ARPP21: variants seen among roughly 807,000 people sequenced by gnomAD.
The protein encoded by ARPP21 is cAMP regulated phosphoprotein 21.
Under a neutral mutation model 113.2 loss-of-function variants are expected in ARPP21, and 69 were observed. That is an observed-to-expected ratio of 0.61 (90% CI 0.50 to 0.74). The LOEUF (loss-of-function observed/expected upper bound fraction) is 0.74, where lower values mean the gene tolerates loss of function less well. Ranked by LOEUF, ARPP21 falls within the 30% of genes least tolerant of loss-of-function variation. The pLI is 0.00. For missense variants in ARPP21, 1,070 were observed against 1,037.4 expected (o/e 1.03, Z -0.43); for synonymous variants, 368 against 375.5 (o/e 0.98, Z 0.23).
intron 3 of ARPP21, 25 bp from the exon 4 acceptor site, chr3:35,682,813 ATTTTATTTTG>A: frequency 6.3e-7 from 1 of 1,578,898 alleles, no homozygotes; most frequent in Non-Finnish European, 8.6e-7. Context: ...TGTTTGTTTT[ATTTTATTTTG>A]TTTTATTTTC....
Position 35,794,149 on chromosome 3 carries a change from C to T in ARPP21, c.*191C>T, listed in dbSNP as rs1232249836. ...TTAATGGTGCATATTTCTGTCATGTCTGCTAGGTATGCCTTTATAGCTTAG... is the reference window on the plus strand; with the variant it reads ...TTAATGGTGCATATTTCTGTCATGTTTGCTAGGTATGCCTTTATAGCTTAG... On this transcript the variant is annotated 3_prime_UTR_variant, in exon 21 of 21. Transcript: ENST00000684406. The T allele has an allele frequency of 3.2e-6, 2 of 616,604 alleles. No homozygotes were observed. The highest frequency in any genetic ancestry group is 5.5e-5 in the East Asian group (2 of 36,138). 38.2% of individuals were successfully genotyped at this position (616,604 alleles called of 1,614,324 possible). A position where few individuals can be genotyped will look rare whatever the true frequency, so the allele number is the denominator to read the frequency against.
intron 1 of ARPP21, among the ~76,000 whole-genome samples, chr3:35,656,610 T>C (rs1705060768): frequency 6.6e-6 from 1 of 151,998 alleles, no homozygotes; most frequent in Non-Finnish European, 1.5e-5. Context: ...GTCAAAATGA[T>C]AAAACTATCA....
At chr3:35,691,083 C>A in intron 9 of ARPP21, 78 bp downstream of exon 9, 2 of 1,462,502 alleles carry the variant, frequency 1.4e-6, no homozygotes, top group Non-Finnish European at 1.9e-6. Flanking sequence ...GTATAAAATT[C>A]ACAGTACATG....
At chr3:35,787,537 T>A (rs959961893) in intron 19 of ARPP21, among the ~76,000 whole-genome samples, 1 of 152,184 alleles carries the variant, frequency 6.6e-6, no homozygotes, top group African/African-American at 2.4e-5. Context: ...ACCCCTCAAC[T>A]GTCTTCCTGG....
At chr3:35,645,650 A>C (rs374934653) in intron 1 of ARPP21, among the ~76,000 whole-genome samples, 4 of 152,140 alleles carry the variant, frequency 2.6e-5, no homozygotes, top group African/African-American at 9.6e-5. Context: ...TTCCAAATTC[A>C]GTGCTGGAAC....
chr3:35,745,611 G>A (rs2094984292), intron 19 of ARPP21, among the ~76,000 whole-genome samples: 1 of 152,170 alleles, frequency 6.6e-6, no homozygotes, highest in Admixed American at 6.5e-5. Context: ...GAGGGGATGA[G>A]AAAGTTAGAT....
chr3:35,725,845 T>C (rs2093490836), intron 14 of ARPP21, among the ~76,000 whole-genome samples: 1 of 150,370 alleles, frequency 6.7e-6, no homozygotes, highest in Non-Finnish European at 1.5e-5. Flanking sequence ...CTTTCCACTG[T>C]GAGTAGCATG....
intron 19 of ARPP21, among the ~76,000 whole-genome samples, chr3:35,764,558 A>C (rs903340806): frequency 6.6e-6 from 1 of 152,166 alleles, no homozygotes; most frequent in Non-Finnish European, 1.5e-5. Flanking sequence ...CTGATTTATG[A>C]CAGTGAGTGG....
chr3:35,674,364 C>T (rs1437934349), intron 1 of ARPP21, among the ~76,000 whole-genome samples: 1 of 151,858 alleles, frequency 6.6e-6, no homozygotes, highest in Non-Finnish European at 1.5e-5. Context: ...TATTTAAGTA[C>T]CTGTGAAATT....
intron 13 of ARPP21, among the ~76,000 whole-genome samples, chr3:35,719,294 T>G (rs1469840714): frequency 6.6e-6 from 1 of 152,190 alleles, no homozygotes; most frequent in Non-Finnish European, 1.5e-5. Flanking sequence ...GAATCATAAA[T>G]TAGAGTTACA....
intron 2 of ARPP21, among the ~76,000 whole-genome samples, 192 bp downstream of exon 2, chr3:35,680,152 T>G (rs2078480413): frequency 6.6e-6 from 1 of 151,894 alleles, no homozygotes; most frequent in South Asian, 2.1e-4. Flanking sequence ...TCATGTTCTG[T>G]TTTTTACTTA....
intron 15 of ARPP21, among the ~76,000 whole-genome samples, chr3:35,733,447 T>G (rs1289081488): frequency 1.3e-5 from 2 of 152,198 alleles, no homozygotes; most frequent in Non-Finnish European, 2.9e-5. Context: ...TCTTCACCTA[T>G]GCCAGCACCC....
intron 15 of ARPP21, among the ~76,000 whole-genome samples, chr3:35,734,701 G>A (rs2094224289): frequency 6.6e-6 from 1 of 152,226 alleles, no homozygotes; most frequent in South Asian, 2.1e-4. Context: ...TAAGTGAGCT[G>A]AAGTTAAGGC....
chr3:35,732,795 T>G (rs2094080011), intron 15 of ARPP21, among the ~76,000 whole-genome samples: 1 of 152,232 alleles, frequency 6.6e-6, no homozygotes, highest in Non-Finnish European at 1.5e-5. Context: ...GCTGTTCTCT[T>G]TCAAATGCTT....
At chr3:35,677,300 A>G (rs1051569868) in intron 1 of ARPP21, among the ~76,000 whole-genome samples, 17 of 151,900 alleles carry the variant, frequency 1.1e-4, no homozygotes, top group Non-Finnish European at 2.2e-4. Context: ...ACACACACAC[A>G]TACACTTAGG....
At chr3:35,789,923 G>T (rs2096713723) in intron 19 of ARPP21, among the ~76,000 whole-genome samples, 1 of 152,032 alleles carries the variant, frequency 6.6e-6, no homozygotes, top group Admixed American at 6.6e-5. Flanking sequence ...ATCTCTTATA[G>T]GCCACCTAAT....
At chr3:35,743,763 G>T in intron 18 of ARPP21, 76 bp from the exon 19 acceptor site, 1 of 1,501,370 alleles carries the variant, frequency 6.7e-7, no homozygotes, top group East Asian at 2.3e-5. Flanking sequence ...ATTATAAGAC[G>T]AAAGCATATT....
intron 14 of ARPP21, among the ~76,000 whole-genome samples, chr3:35,727,658 G>A (rs1378708668): frequency 6.6e-6 from 1 of 152,114 alleles, no homozygotes; most frequent in Non-Finnish European, 1.5e-5. Flanking sequence ...CAATAGTGTA[G>A]GCTGATGATT....
intron 1 of ARPP21, among the ~76,000 whole-genome samples, chr3:35,677,198 C>A (rs2077722091): frequency 6.6e-6 from 1 of 151,886 alleles, no homozygotes; most frequent in Non-Finnish European, 1.5e-5. Flanking sequence ...CATCGGTGAA[C>A]TAAATTATTG....
Sources: gnomAD v4.1 joint callset for allele counts (sites outside exome capture counted in the v4.1 genomes callset) on GRCh38, gnomAD v4.1.1 for gene constraint, MANE v1.5 for transcripts, NCBI Gene and HGNC (gene_info 2026-07-23, HGNC 2026-07-21) for gene names.